Variants in BCAR3 observed in about 807,000 individuals in gnomAD.
BCAR3 encodes BCAR3 adaptor protein, NSP family member, also known as breast cancer anti-estrogen resistance protein 3.
A neutral mutation model predicts 80.1 loss-of-function variants in BCAR3; 37 were observed. The observed-to-expected ratio is 0.46, with a 90% CI of 0.36 to 0.61. The LOEUF is 0.61. BCAR3 is among the 20% of genes least tolerant of loss of function. BCAR3 has a pLI of 0.00. For missense variants in BCAR3, 978 were observed against 1,068.2 expected, an observed-to-expected ratio of 0.92 and a Z score of 1.18; for synonymous variants, 389 against 418.9, an observed-to-expected ratio of 0.93 and a Z score of 0.87.
chr1:93,835,091 A>T (rs1234753871), intron 2 of BCAR3, among the ~76,000 whole-genome samples: 2 of 152,160 alleles, frequency 1.3e-5, no homozygotes, highest in Non-Finnish European at 2.9e-5. Flanking sequence ...AGCTGAATTC[A>T]TTGCCTTAAC....
chr1:93,739,993 G>GC (rs1651121705), intron 2 of BCAR3, among the ~76,000 whole-genome samples: 1 of 150,770 alleles, frequency 6.6e-6, no homozygotes, highest in Non-Finnish European at 1.5e-5. Context: ...CCGAGATCAT[G>GC]CCACTGCACT....
At chr1:93,723,314 G>A (rs949130463) in intron 2 of BCAR3, 1 of 152,318 alleles carries the variant, frequency 6.6e-6, no homozygotes, top group Non-Finnish European at 1.5e-5. Context: ...ATGGTGACAG[G>A]CTTGCATTCC....
chr1:93,693,312 C>T (rs549188929), intron 3 of BCAR3, among the ~76,000 whole-genome samples: 1 of 152,346 alleles, frequency 6.6e-6, no homozygotes, highest in Admixed American at 6.5e-5. Context: ...CCTCACAAAA[C>T]CTTTCATACA....
In BCAR3 at chr1:93,562,388, G is replaced by T. The variant is rs748027776; in HGVS notation, c.2331C>A (p.Ile777=). ...GFQPDEEMNE[I]CKTEFQMRLL... Reference sequence around the variant, plus strand: ...ATCGCATTTGAAATTCAGTCTTGCAGATTTCATTCATTTCTTCATCTGGTT... The same window carrying T: ...ATCGCATTTGAAATTCAGTCTTGCATATTTCATTCATTTCTTCATCTGGTT... The change falls in exon 12 of 12, where the codon ATC becomes ATA. Residue 777 remains isoleucine (I), a synonymous_variant. Coordinates refer to ENST00000260502, the MANE Select transcript of BCAR3 (RefSeq NM_003567.4). The T allele has an allele frequency of 4.3e-6, 7 of 1,613,838 alleles. No individual in the cohort carries two copies. In the Admixed American group the frequency reaches 5.0e-5, roughly 12 times the overall value.
At chr1:93,578,937 C>A (rs1673580959) in intron 7 of BCAR3, among the ~76,000 whole-genome samples, 2 of 152,318 alleles carry the variant, frequency 1.3e-5, no homozygotes, top group South Asian at 4.1e-4. Context: ...TACAGACAGG[C>A]ACAGAAGGGG....
At position 93,779,700 on chromosome 1, in the gene BCAR3, G is replaced by T. The variant is rs1384304694; in HGVS notation, c.-63+65867C>A. The stretch of plus-strand genomic sequence containing the variant: ...TAAGTAATTGCTTAGTGCGTAAGTT[G>T]TTCAGGAAATGAGAACAAACTTAAC... On this transcript the variant is annotated intron_variant, in intron 2 of 13. Transcript: ENST00000370244. 1.1e-4 allele frequency among the ~76,000 whole-genome samples: 16 copies of T among 152,170 alleles called. 1 individual carries two copies. The highest frequency in any genetic ancestry group is 1.0e-3 in the Admixed American group (16 of 15,280).
chr1:93,736,510 A>G (rs1239344098), intron 2 of BCAR3, among the ~76,000 whole-genome samples: 2 of 152,220 alleles, frequency 1.3e-5, no homozygotes, highest in Non-Finnish European at 2.9e-5. Flanking sequence ...ATTATAAAAT[A>G]TGCCAGACAC....
At chr1:93,572,214 G>A (rs919508636) in intron 8 of BCAR3, among the ~76,000 whole-genome samples, 5 of 152,150 alleles carry the variant, frequency 3.3e-5, no homozygotes. Context: ...CCCCCAAAAC[G>A]CCTGAGAATC....
intron 3 of BCAR3, among the ~76,000 whole-genome samples, chr1:93,695,115 G>T (rs1407024023): frequency 6.6e-6 from 1 of 152,162 alleles, no homozygotes; most frequent in African/African-American, 2.4e-5. Context: ...CATCATTCTG[G>T]TCTATCAGGC....
intron 3 of BCAR3, among the ~76,000 whole-genome samples, chr1:93,614,302 T>C (rs370969599): frequency 6.6e-6 from 1 of 152,008 alleles, no homozygotes; most frequent in Non-Finnish European, 1.5e-5. Flanking sequence ...TAGCAGCCCC[T>C]CTCCCCCGAC....
At chr1:93,832,937 C>G (rs780773965) in intron 2 of BCAR3, among the ~76,000 whole-genome samples, 4 of 152,104 alleles carry the variant, frequency 2.6e-5, no homozygotes, top group Non-Finnish European at 4.4e-5. Flanking sequence ...TATCTCCCCA[C>G]CTTAATCCAC....
At chr1:93,638,709 G>A (rs1288572730) in intron 3 of BCAR3, among the ~76,000 whole-genome samples, 2 of 152,196 alleles carry the variant, frequency 1.3e-5, no homozygotes, top group African/African-American at 4.8e-5. Flanking sequence ...AGCCACTCTG[G>A]AGGGTTCAGC....
At chr1:93,604,050 C>T (rs901968026) in intron 3 of BCAR3, among the ~76,000 whole-genome samples, 3 of 152,216 alleles carry the variant, frequency 2.0e-5, no homozygotes, top group African/African-American at 7.2e-5. Flanking sequence ...ATCTCCCTTT[C>T]GGCAAAGATT....
intron 3 of BCAR3, among the ~76,000 whole-genome samples, chr1:93,612,246 C>G (rs530857636): frequency 2.6e-5 from 4 of 152,196 alleles, no homozygotes; most frequent in Admixed American, 6.5e-5. Flanking sequence ...GCAGCTCAGG[C>G]CTTCTCTCTG....
chr1:93,573,151 T>C (rs1240688341), intron 8 of BCAR3, among the ~76,000 whole-genome samples: 2 of 151,266 alleles, frequency 1.3e-5, no homozygotes, highest in Non-Finnish European at 3.0e-5. Context: ...ATCCCAGCAC[T>C]TTGGGAGGCT....
At chr1:93,721,858 T>C (rs898814279) in intron 2 of BCAR3, among the ~76,000 whole-genome samples, 4 of 152,218 alleles carry the variant, frequency 2.6e-5, no homozygotes, top group Admixed American at 2.6e-4. Context: ...GCCATATGGC[T>C]CTGGCCAGGT....
chr1:93,633,841 T>C (rs1382527297), intron 3 of BCAR3, among the ~76,000 whole-genome samples: 4 of 152,224 alleles, frequency 2.6e-5, no homozygotes, highest in Non-Finnish European at 5.9e-5. Flanking sequence ...GGCTTCACCA[T>C]GTTGGCCAAG....
At chr1:93,748,919 T>C (rs1302788226) in intron 2 of BCAR3, among the ~76,000 whole-genome samples, 1 of 152,206 alleles carries the variant, frequency 6.6e-6, no homozygotes, top group Non-Finnish European at 1.5e-5. Context: ...AACACAATGC[T>C]GAAGACAACG....
intron 2 of BCAR3, among the ~76,000 whole-genome samples, chr1:93,787,075 T>G (rs1299477353): frequency 6.6e-6 from 1 of 152,216 alleles, no homozygotes; most frequent in African/African-American, 2.4e-5. Context: ...ACATCTTCCA[T>G]GTAATCCTTT....
Sources: gnomAD v4.1 joint callset for allele counts (sites outside exome capture counted in the v4.1 genomes callset) on GRCh38, gnomAD v4.1.1 for gene constraint, MANE v1.5 for transcripts, NCBI Gene and HGNC (gene_info 2026-07-23, HGNC 2026-07-21) for gene names.